The following DYNC2I1 variants were observed in gnomAD, a reference collection of about 807,000 sequenced individuals.
DYNC2I1 encodes dynein 2 intermediate chain 1.
A neutral mutation model predicts 133.4 loss-of-function variants in DYNC2I1; 89 were observed. That is an observed-to-expected ratio of 0.67 (90% CI 0.56 to 0.80). The LOEUF (loss-of-function observed/expected upper bound fraction) is 0.80, where lower values mean the gene tolerates loss of function less well. DYNC2I1 is among the 30% of genes least tolerant of loss of function. DYNC2I1 has a pLI of 0.00. For synonymous variants in DYNC2I1, 504 were observed against 484.3 expected, an observed-to-expected ratio of 1.04 and a Z score of -0.54; for missense variants, 1,291 against 1,314.5, an observed-to-expected ratio of 0.98 and a Z score of 0.28.
At chr7:158,884,256 G>T (rs979856394) in intron 5 of DYNC2I1, among the ~76,000 whole-genome samples, 1 of 150,160 alleles carries the variant, frequency 6.7e-6, no homozygotes, top group East Asian at 2.0e-4. Flanking sequence ...TGTTGGTCAG[G>T]CTCGTCTATA....
chr7:158,870,456 C>G (rs904680746), intron 2 of DYNC2I1, among the ~76,000 whole-genome samples: 2 of 152,098 alleles, frequency 1.3e-5, no homozygotes, highest in South Asian at 4.1e-4. Context: ...TGGGCCTGAG[C>G]TGTCCTCCCA....
At chr7:158,848,209 G>A in the DYNC2I1 span, among the ~76,000 whole-genome samples, 24 of 152,270 alleles carry the variant, frequency 1.6e-4, no homozygotes, top group South Asian at 5.0e-3. Flanking sequence ...CCCTGAGAAG[G>A]GAACTGCTCA....
At chr7:158,935,189 C>T (rs936952512) in intron 23 of DYNC2I1, among the ~76,000 whole-genome samples, 6 of 152,212 alleles carry the variant, frequency 3.9e-5, no homozygotes, top group Admixed American at 1.3e-4. Context: ...GGATGGCCGT[C>T]GGGCAGGCAG....
chr7:158,910,468 T>A (rs1054384962), intron 11 of DYNC2I1, among the ~76,000 whole-genome samples: 1 of 150,772 alleles, frequency 6.6e-6, no homozygotes, highest in African/African-American at 2.5e-5. Context: ...GTCAGGCCTG[T>A]GGGCCGAGTG....
intron 24 of DYNC2I1, among the ~76,000 whole-genome samples, chr7:158,943,931 C>G (rs184175141): frequency 4.4e-4 from 67 of 152,326 alleles, no homozygotes; most frequent in Admixed American, 2.7e-3. Context: ...TCCTCTACTT[C>G]TACTTCCCAC....
rs767040128 is a variant in DYNC2I1, at chr7:158,918,869, A to G, written c.1921A>G (p.Asn641Asp). 2.1e-5 allele frequency: 34 copies of G among 1,610,676 alleles called. No individual in the cohort carries two copies. The highest frequency in any genetic ancestry group is 2.7e-5 in the Non-Finnish European group (32 of 1,177,712). The change falls in exon 15 of 25, where the codon AAT (asparagine) becomes GAT (aspartate). Residue 641 changes from asparagine (N) to aspartate (D), a missense_variant and splice_region_variant. Transcript: ENST00000407559. The stretch of plus-strand genomic sequence containing the variant: ...GAACACCAGTCTACCATTCCTTCAA[A>G]GTAAGAGGCTGTTCTCAAATATGAT... ...QLNTSLPFLQ[N>D]RKVSSLHTSR...
chr7:158,920,238 A>G (rs1333788341), intron 15 of DYNC2I1, among the ~76,000 whole-genome samples: 10 of 123,162 alleles, frequency 8.1e-5, no homozygotes, highest in East Asian at 2.7e-4. Context: ...CCGGGCCTCC[A>G]TCAGGGAACA....
chr7:158,875,571 C>T (rs1365428786), intron 3 of DYNC2I1, among the ~76,000 whole-genome samples: 1 of 152,164 alleles, frequency 6.6e-6, no homozygotes, highest in African/African-American at 2.4e-5. Flanking sequence ...TCATCGGTAC[C>T]TGCCTGGCTC....
At chr7:158,908,953 A>G (rs1181640943) in intron 11 of DYNC2I1, among the ~76,000 whole-genome samples, 1 of 152,218 alleles carries the variant, frequency 6.6e-6, no homozygotes, top group Non-Finnish European at 1.5e-5. Context: ...CAGTAAATGT[A>G]TGAAAATATG....
At chr7:158,873,881 C>T (rs911685108) in intron 3 of DYNC2I1, among the ~76,000 whole-genome samples, 5 of 151,784 alleles carry the variant, frequency 3.3e-5, no homozygotes, top group East Asian at 2.0e-4. Flanking sequence ...CTCAGCCTCC[C>T]GAGTAGCTGG....
chr7:158,862,796 C>A (rs1841977134), intron 1 of DYNC2I1, among the ~76,000 whole-genome samples: 1 of 151,926 alleles, frequency 6.6e-6, no homozygotes, highest in East Asian at 1.9e-4. Flanking sequence ...GGAGTTTGTT[C>A]CTTCACATGT....
chr7:158,955,817 AAC>A (rs1355070907), intron 4 of DYNC2I1, among the ~76,000 whole-genome samples: 3 of 152,218 alleles, frequency 2.0e-5, no homozygotes, highest in Non-Finnish European at 4.4e-5. Flanking sequence ...TCACAGAATA[AAC>A]ACAGCCCTGT....
intron 1 of DYNC2I1, 46 bp from the exon 2 acceptor site, chr7:158,869,809 A>T: frequency 6.6e-7 from 1 of 1,512,294 alleles, no homozygotes; most frequent in East Asian, 2.4e-5. Context: ...TACAACACTG[A>T]AAATAAATTA....
chr7:158,926,329 C>G (rs1216039391), intron 18 of DYNC2I1, 29 bp downstream of exon 18: 3 of 1,603,482 alleles, frequency 1.9e-6, no homozygotes, highest in Non-Finnish European at 2.6e-6. Flanking sequence ...TCTTAAAATC[C>G]TTCATCAATG....
intron 21 of DYNC2I1, among the ~76,000 whole-genome samples, chr7:158,932,168 T>C (rs995464034): frequency 1.1e-4 from 17 of 152,190 alleles, no homozygotes; most frequent in African/African-American, 3.9e-4. Context: ...GTCCTGCAGC[T>C]CTGTCTGCAC....
intron 8 of DYNC2I1, among the ~76,000 whole-genome samples, chr7:158,897,419 T>G (rs1302299677): frequency 6.6e-6 from 1 of 152,236 alleles, no homozygotes; most frequent in Non-Finnish European, 1.5e-5. Flanking sequence ...ACTTGATGTC[T>G]TAATAGGTAT....
chr7:158,869,821 T>C, intron 1 of DYNC2I1, 34 bp from the exon 2 acceptor site: 1 of 1,468,276 alleles, frequency 6.8e-7, no homozygotes, highest in Non-Finnish European at 9.0e-7. Flanking sequence ...AATAAATTAT[T>C]TTAAACATTC....
In DYNC2I1 at chr7:158,864,903, C is replaced by G. The variant is rs116627160; in HGVS notation, c.16-4952C>G. On this transcript the variant is annotated intron_variant, in intron 1 of 24. Transcript: ENST00000407559. ...GATGAGTGTTTTCTAAAAGAGGAGGCTGGGTTAGAAAGCAAGGGGAGAAGC... is the reference window on the plus strand; with the variant it reads ...GATGAGTGTTTTCTAAAAGAGGAGGGTGGGTTAGAAAGCAAGGGGAGAAGC... Among the ~76,000 whole-genome samples, 586 of 152,278 alleles carry G rather than the reference C, an allele frequency of 3.8e-3. 4 individuals are homozygous for G. Among genetic ancestry groups the G allele is most frequent in the African/African-American group, 0.013 (544 of 41,534 alleles).
intron 11 of DYNC2I1, among the ~76,000 whole-genome samples, chr7:158,908,057 C>T (rs926261827): frequency 4.6e-5 from 7 of 151,112 alleles, no homozygotes; most frequent in South Asian, 2.1e-4. Context: ...AATGAAAGGC[C>T]GAAACATAAA....
Sources: gnomAD v4.1 joint callset for allele counts (sites outside exome capture counted in the v4.1 genomes callset) on GRCh38, gnomAD v4.1.1 for gene constraint, MANE v1.5 for transcripts, NCBI Gene and HGNC (gene_info 2026-07-23, HGNC 2026-07-21) for gene names.